The following AKAP13 variants were observed in gnomAD, a reference collection of about 807,000 sequenced individuals.
AKAP13 encodes A-kinase anchoring protein 13, also known as A-kinase anchor protein 13.
In AKAP13, 80 loss-of-function variants were observed where a neutral mutation model predicts 264.5. The ratio of observed to expected loss-of-function variants is 0.30; its 90% CI spans 0.25 to 0.36. The LOEUF (loss-of-function observed/expected upper bound fraction) is 0.36. AKAP13 is among the 10% of genes least tolerant of loss of function. The probability of loss-of-function intolerance (pLI) is 1.00; values close to 1 mark genes in which losing one functional copy is unlikely to be tolerated. For missense variants in AKAP13, 3,712 were observed against 3,435.2 expected, an observed-to-expected ratio of 1.08 and a Z score of -2.01; for synonymous variants, 1,380 against 1,250.2, an observed-to-expected ratio of 1.10 and a Z score of -2.19.
chr15:85,408,309 A>G (rs906355941), intron 1 of AKAP13, among the ~76,000 whole-genome samples: 21 of 151,982 alleles, frequency 1.4e-4, no homozygotes, highest in Admixed American at 7.2e-4. Context: ...GTAAACACAC[A>G]TACCATAAAA....
intron 3 of AKAP13, among the ~76,000 whole-genome samples, chr15:85,522,062 T>C (rs1367012430): frequency 6.6e-6 from 1 of 152,190 alleles, no homozygotes; most frequent in Non-Finnish European, 1.5e-5. Flanking sequence ...CTGTGATGTA[T>C]ATCATATCAG....
chr15:85,404,079 C>T (rs1018304086), intron 1 of AKAP13, among the ~76,000 whole-genome samples: 2 of 152,076 alleles, frequency 1.3e-5, no homozygotes, highest in Middle Eastern at 3.2e-3. Flanking sequence ...TTGTTGTTAC[C>T]ATAGTATAAT....
At position 85,655,950 on chromosome 15, in the gene AKAP13, A is replaced by G. The variant is rs1214315017; in HGVS notation, c.4745+163A>G. ...AATCTGTGTTCAGACCCCAGCTCCA[A>G]AATTTACTATGTAGATGACCTTGGG... On this transcript the variant is annotated intron_variant, in intron 11 of 36. Coordinates refer to ENST00000394518, the MANE Select transcript of AKAP13 (RefSeq NM_007200.5). Among the ~76,000 whole-genome samples, 3 of 152,210 alleles carry G rather than the reference A, an allele frequency of 2.0e-5. No individual in the cohort carries two copies. The East Asian group carries it at 5.8e-4, about 29-fold the overall frequency.
chr15:85,696,560 GTTC>G (rs1490326737), intron 17 of AKAP13, among the ~76,000 whole-genome samples: 1 of 152,138 alleles, frequency 6.6e-6, no homozygotes, highest in Non-Finnish European at 1.5e-5. Context: ...CAGTGTGCCA[GTTC>G]TTCTTTTGGA....
intron 14 of AKAP13, among the ~76,000 whole-genome samples, chr15:85,680,737 CT>C (rs765567363): frequency 8.5e-5 from 13 of 152,124 alleles, no homozygotes; most frequent in Non-Finnish European, 1.9e-4. Context: ...AAAATAATAA[CT>C]ACAGTTTTGG....
intron 1 of AKAP13, among the ~76,000 whole-genome samples, chr15:85,382,459 C>T (rs529667279): frequency 1.3e-5 from 2 of 152,282 alleles, no homozygotes; most frequent in African/African-American, 2.4e-5. Flanking sequence ...CGCTCCATGG[C>T]TTCCCTTCCT....
Position 85,727,031 on chromosome 15 carries a change from A to C in AKAP13, c.6823-35A>C. The C allele has an allele frequency of 6.2e-7, 1 of 1,610,854 alleles. No homozygotes were observed. Among genetic ancestry groups the C allele is most frequent in the South Asian group, 1.1e-5 (1 of 90,930 alleles). ...GTCCTTCAGAGTTAGAATATTGTAT[A>C]TGTATCTTTTATTTGCCCTCTTCCC... On this transcript the variant is annotated intron_variant, in intron 27 of 36. Coordinates refer to ENST00000394518, the MANE Select transcript of AKAP13 (RefSeq NM_007200.5). The surrounding 1 kb of genome is among the most constrained non-coding windows in gnomAD (Gnocchi z 5.3).
chr15:85,710,318 A>C (rs1224222979), intron 18 of AKAP13: 1 of 329,272 alleles, frequency 3.0e-6, no homozygotes, highest in Non-Finnish European at 5.6e-6. Flanking sequence ...CAACCCTTAA[A>C]TCGTCTTAAA....
rs1186310901 is a variant in AKAP13 at position 85,400,872 on chromosome 15, ATATTTTT to A, written c.-12+20076_-12+20082del. ...TATATATATATGTATATATATATATATATTTTTTTTTTTTAAACAGAGTATGTTGCTC... is the reference window on the plus strand; with the variant it reads ...TATATATATATGTATATATATATATATTTTTTTAAACAGAGTATGTTGCTC... On this transcript the variant is annotated intron_variant, in intron 1 of 36. Transcript: ENST00000394518. Among the ~76,000 whole-genome samples the A allele has an allele frequency of 4.8e-3, 491 of 102,144 alleles. 6 individuals carry two copies. Among genetic ancestry groups the A allele is most frequent in the Non-Finnish European group, 3.6e-3 (184 of 50,704 alleles). The allele number at this position is 102,144 out of a possible 152,430, so 67.0% of individuals were successfully genotyped here. A position where few individuals can be genotyped will look rare whatever the true frequency, so the allele number is the denominator to read the frequency against.
chr15:85,525,058 ATTTTTT>A (rs11419433), intron 3 of AKAP13, among the ~76,000 whole-genome samples: 2 of 129,496 alleles, frequency 1.5e-5, no homozygotes, highest in African/African-American at 5.8e-5. Context: ...CTATCTTTAA[ATTTTTT>A]TTTTTTTTTT....
At chr15:85,667,465 G>A (rs2083666724) in intron 13 of AKAP13, among the ~76,000 whole-genome samples, 1 of 152,176 alleles carries the variant, frequency 6.6e-6, no homozygotes, top group South Asian at 2.1e-4. Flanking sequence ...GAAAAAAATA[G>A]GAACAATTCT....
At chr15:85,585,073 A>G (rs2079283901) in intron 7 of AKAP13, among the ~76,000 whole-genome samples, 1 of 152,224 alleles carries the variant, frequency 6.6e-6, no homozygotes, top group Non-Finnish European at 1.5e-5. Flanking sequence ...GTAATTCTTG[A>G]GAAAACATGC....
chr15:85,733,411 G>A (rs894876514), intron 30 of AKAP13, among the ~76,000 whole-genome samples: 29 of 152,096 alleles, frequency 1.9e-4, no homozygotes, highest in Non-Finnish European at 1.5e-5. Flanking sequence ...CTAAGTACAA[G>A]TAGTTTTACA....
intron 3 of AKAP13, among the ~76,000 whole-genome samples, chr15:85,525,403 A>G (rs1430319747): frequency 6.6e-6 from 1 of 152,190 alleles, no homozygotes; most frequent in Non-Finnish European, 1.5e-5. Flanking sequence ...TTTATGATAC[A>G]TAGTAATTTT....
intron 1 of AKAP13, among the ~76,000 whole-genome samples, chr15:85,426,161 C>T (rs1279876540): frequency 3.3e-5 from 5 of 152,128 alleles, no homozygotes; most frequent in Admixed American, 2.6e-4. Flanking sequence ...TTATGGAAAT[C>T]TTCTTTAAAA....
chr15:85,456,178 T>C (rs1397251223), intron 1 of AKAP13, among the ~76,000 whole-genome samples: 7 of 152,210 alleles, frequency 4.6e-5, no homozygotes, highest in Non-Finnish European at 1.5e-5. Context: ...ATCATACCCT[T>C]TCTGGCTTTC....
intron 1 of AKAP13, among the ~76,000 whole-genome samples, chr15:85,394,921 C>G (rs2071040362): frequency 6.6e-6 from 1 of 152,216 alleles, no homozygotes; most frequent in African/African-American, 2.4e-5. Flanking sequence ...GCAACGACTC[C>G]TTTCTACTTT....
intron 2 of AKAP13, among the ~76,000 whole-genome samples, chr15:85,490,805 TG>T (rs2075700736): frequency 6.6e-6 from 1 of 152,090 alleles, no homozygotes; most frequent in Admixed American, 6.5e-5. Flanking sequence ...GTACTTGCAT[TG>T]TAGTGAGAAG....
chr15:85,641,485 TAAATAAATAAATAA>T (rs2082308464), intron 9 of AKAP13, among the ~76,000 whole-genome samples: 1 of 138,152 alleles, frequency 7.2e-6, no homozygotes, highest in African/African-American at 2.8e-5. Context: ...AATAAATAAA[TAAATAAATAAATAA>T]ATAAATAACG....
Sources: allele counts gnomAD v4.1 joint callset (sites outside exome capture counted in the v4.1 genomes callset), GRCh38; gene constraint gnomAD v4.1.1; non-coding constraint Gnocchi (gnomAD v3.1); transcripts MANE v1.5; gene names NCBI Gene and HGNC (gene_info 2026-07-23, HGNC 2026-07-21).